Variants in MICU1 observed in about 807,000 individuals in gnomAD.
MICU1 encodes calcium uptake protein 1, mitochondrial.
In MICU1, 45 loss-of-function variants were observed where a neutral mutation model predicts 56.8. The observed-to-expected ratio is 0.79, with a 90% CI of 0.62 to 1.02. The LOEUF is 1.02. MICU1 is among the 50% of genes least tolerant of loss of function. The pLI, the probability that MICU1 is intolerant of heterozygous loss-of-function variation, is 0.00. For synonymous variants in MICU1, 186 were observed against 195.1 expected (o/e 0.95, Z 0.39); for missense variants, 504 against 587.1 (o/e 0.86, Z 1.46).
chr10:72,570,750 A>C (rs1445731109), intron 1 of MICU1, among the ~76,000 whole-genome samples: 3 of 152,110 alleles, frequency 2.0e-5, no homozygotes, highest in African/African-American at 7.2e-5. Flanking sequence ...TTAATAACAC[A>C]ATTCTTATAT....
At chr10:72,534,150 G>T (rs915301701) in intron 4 of MICU1, among the ~76,000 whole-genome samples, 7 of 145,300 alleles carry the variant, frequency 4.8e-5, no homozygotes, top group African/African-American at 1.8e-4. Flanking sequence ...TAATCTGAAT[G>T]CATAATAATT....
intron 4 of MICU1, among the ~76,000 whole-genome samples, chr10:72,546,503 A>C (rs990363085): frequency 3.3e-5 from 5 of 152,140 alleles, no homozygotes; most frequent in Admixed American, 3.3e-4. Context: ...TTCTGTCCAT[A>C]AATCTTCCAC....
intron 1 of MICU1, among the ~76,000 whole-genome samples, chr10:72,613,290 T>C (rs867914031): frequency 4.7e-4 from 70 of 149,216 alleles, no homozygotes; most frequent in African/African-American, 1.5e-3. Context: ...TTTTTTTTTT[T>C]AGAGACAGGG....
At chr10:72,530,995 A>G (rs1457382717) in intron 5 of MICU1, among the ~76,000 whole-genome samples, 1 of 152,176 alleles carries the variant, frequency 6.6e-6, no homozygotes, top group Non-Finnish European at 1.5e-5. Context: ...TTATTTTTAT[A>G]TTTGTTCTTA....
intron 6 of MICU1, among the ~76,000 whole-genome samples, chr10:72,478,696 G>A (rs11000324): frequency 0.015 from 2,209 of 152,328 alleles, 54 homozygotes; most frequent in African/African-American, 0.05. Flanking sequence ...TTTTCAGGTA[G>A]TTAGGCAGCT....
chr10:72,456,952 T>TGTGTGTGGGTGTGTGG (rs1450568510), intron 8 of MICU1, among the ~76,000 whole-genome samples: 40 of 117,654 alleles, frequency 3.4e-4, no homozygotes, highest in African/African-American at 2.0e-3. Context: ...CCCAGGTGTG[T>TGTGTGTGGGTGTGTGG]GTGTGTGTGT....
At chr10:72,565,097 A>G (rs1840395626) in intron 2 of MICU1, among the ~76,000 whole-genome samples, 1 of 151,392 alleles carries the variant, frequency 6.6e-6, no homozygotes, top group Admixed American at 6.6e-5. Flanking sequence ...CTTGACCAAC[A>G]TGGTGAAACC....
intron 8 of MICU1, among the ~76,000 whole-genome samples, chr10:72,442,485 GT>G (rs1864968640): frequency 6.6e-6 from 1 of 152,174 alleles, no homozygotes; most frequent in African/African-American, 2.4e-5. Flanking sequence ...ACCTTCTACA[GT>G]AAGGAGAATC....
intron 10 of MICU1, among the ~76,000 whole-genome samples, chr10:72,395,723 G>T (rs770367383): frequency 6.6e-6 from 1 of 152,222 alleles, no homozygotes; most frequent in Non-Finnish European, 1.5e-5. Flanking sequence ...CAGCCTGGCT[G>T]GGGGAGGGGC....
chr10:72,541,785 G>A (rs947691579), intron 4 of MICU1, among the ~76,000 whole-genome samples: 1 of 152,110 alleles, frequency 6.6e-6, no homozygotes, highest in Non-Finnish European at 1.5e-5. Context: ...TCTGTGCAGT[G>A]GGCAACAAGA....
At chr10:72,489,281 GAGA>G (rs66727092) in intron 6 of MICU1, among the ~76,000 whole-genome samples, 85,297 of 147,964 alleles carry the variant, frequency 0.58, 25,202 homozygotes, top group Non-Finnish European at 0.68. Context: ...GTGACAGAGC[GAGA>G]CTCTGTCACA....
At chr10:72,569,226 TATA>T (rs1376180994) in intron 1 of MICU1, among the ~76,000 whole-genome samples, 959 of 52,898 alleles carry the variant, frequency 0.018, 111 homozygotes, top group African/African-American at 0.066. Flanking sequence ...TATATATATA[TATA>T]TATATATATT....
At chr10:72,574,112 C>T (rs1395493240) in intron 1 of MICU1, among the ~76,000 whole-genome samples, 1 of 152,144 alleles carries the variant, frequency 6.6e-6, no homozygotes, top group East Asian at 1.9e-4. Context: ...TAAACCTCTC[C>T]TGTACTATTA....
chr10:72,421,540 G>A (rs899848584), intron 9 of MICU1, among the ~76,000 whole-genome samples: 2 of 152,138 alleles, frequency 1.3e-5, no homozygotes, highest in South Asian at 4.1e-4. Flanking sequence ...CTCCCAAAGC[G>A]TTAGGATTAC....
chr10:72,555,387 T>TA (rs920656704), intron 3 of MICU1, among the ~76,000 whole-genome samples: 44 of 148,248 alleles, frequency 3.0e-4, no homozygotes, highest in South Asian at 2.1e-3. Context: ...GTTATAACTA[T>TA]AAAAAAAAAA....
At chr10:72,475,868 A>G (rs998323865) in intron 7 of MICU1, 1 of 456,706 alleles carries the variant, frequency 2.2e-6, no homozygotes, top group East Asian at 7.0e-5. Context: ...TGACAACTTT[A>G]TAATTGGGAT....
intron 4 of MICU1, among the ~76,000 whole-genome samples, chr10:72,544,879 G>A (rs1036861601): frequency 6.6e-6 from 1 of 152,148 alleles, no homozygotes; most frequent in Non-Finnish European, 1.5e-5. Context: ...AAGTTCATCT[G>A]CTCCCCTATT....
At chr10:72,561,997 G>A (rs1840308441) in intron 3 of MICU1, among the ~76,000 whole-genome samples, 1 of 152,036 alleles carries the variant, frequency 6.6e-6, no homozygotes, top group Admixed American at 6.6e-5. Context: ...ACCTTGACAT[G>A]CAAAATGTCT....
At chr10:72,437,052 C>A (rs7072904) in intron 8 of MICU1, among the ~76,000 whole-genome samples, 10,030 of 152,100 alleles carry the variant, frequency 0.066, 1,129 homozygotes, top group African/African-American at 0.23. Flanking sequence ...GAGAATGCCA[C>A]AAAGATACTC....
Sources: allele counts gnomAD v4.1 joint callset (sites outside exome capture counted in the v4.1 genomes callset), GRCh38; gene constraint gnomAD v4.1.1; transcripts MANE v1.5; gene names NCBI Gene and HGNC (gene_info 2026-07-23, HGNC 2026-07-21).